Variants in KIRREL3 observed in about 807,000 individuals in gnomAD.
KIRREL3 encodes the protein kirre like nephrin family adhesion molecule 3.
Under a neutral mutation model 89.7 loss-of-function variants are expected in KIRREL3, and 36 were observed. The observed-to-expected ratio is 0.40, with a 90% CI of 0.31 to 0.53. KIRREL3 has a LOEUF of 0.53. Among genes scored for constraint, KIRREL3 ranks in the 20% least tolerant of loss-of-function variants. The pLI is 0.49. For synonymous variants in KIRREL3, 445 were observed against 441.4 expected (o/e 1.01, Z -0.10); for missense variants, 864 against 1,056.6 (o/e 0.82, Z 2.53).
Position 126,876,538 on chromosome 11 carries a change from CTT to C in KIRREL3, c.55+123915_55+123916del, listed in dbSNP as rs34978323. ...CTTACAGTACATACTCATAAATATGCTTTTTTTTTTTTTTTTTGAGATGGAGT... is the reference window on the plus strand; with the variant it reads ...CTTACAGTACATACTCATAAATATGCTTTTTTTTTTTTTTTGAGATGGAGT... On this transcript the variant is annotated intron_variant, in intron 1 of 16. Transcript: ENST00000525144. The surrounding 1 kb of genome is among the most constrained non-coding windows in gnomAD (Gnocchi z 4.1). Among the ~76,000 whole-genome samples, 1,362 of 115,276 alleles carry C rather than the reference CTT, an allele frequency of 0.012. 13 individuals carry two copies. Among genetic ancestry groups the C allele is most frequent in the African/African-American group, 0.027 (837 of 30,938 alleles). The allele number at this position is 115,276 out of a possible 152,430, so 75.6% of individuals were successfully genotyped here. A position where few individuals can be genotyped will look rare whatever the true frequency, so the allele number is the denominator to read the frequency against.
intron 1 of KIRREL3, among the ~76,000 whole-genome samples, chr11:126,674,291 A>G (rs1946088714): frequency 6.6e-6 from 1 of 152,224 alleles, no homozygotes; most frequent in Non-Finnish European, 1.5e-5. Flanking sequence ...TTGAAGGCAT[A>G]CTAGGTGATC....
intron 2 of KIRREL3, chr11:126,549,764 C>G (rs1939110374): frequency 6.6e-6 from 1 of 152,178 alleles, no homozygotes; most frequent in Non-Finnish European, 1.5e-5. Context: ...CACTGGGTCC[C>G]CTCGTCATCA....
At chr11:126,962,552 T>G (rs1308074042) in intron 1 of KIRREL3, among the ~76,000 whole-genome samples, 4 of 152,148 alleles carry the variant, frequency 2.6e-5, no homozygotes, top group East Asian at 1.9e-4. Flanking sequence ...TGAGGTGAAA[T>G]GTACTCTCAG....
At chr11:126,470,453 G>T (rs1298053330) in intron 5 of KIRREL3, among the ~76,000 whole-genome samples, 1 of 152,204 alleles carries the variant, frequency 6.6e-6, no homozygotes, top group Non-Finnish European at 1.5e-5. Context: ...CTGGGTTCTG[G>T]CACCAGGTGC....
chr11:126,497,191 TGA>T (rs1957686027), intron 4 of KIRREL3, among the ~76,000 whole-genome samples: 1 of 62,624 alleles, frequency 1.6e-5, no homozygotes, highest in African/African-American at 6.1e-5. Context: ...TGTGAGAGTG[TGA>T]GTGTGTGTGA....
At position 126,788,335 on chromosome 11, in the gene KIRREL3, C is replaced by A. The variant is rs1371034148; in HGVS notation, c.55+212120G>T. Among the ~76,000 whole-genome samples, 1 of 152,202 alleles carries A rather than the reference C, an allele frequency of 6.6e-6. No individual in the cohort carries two copies. Among genetic ancestry groups the A allele is most frequent in the African/African-American group, 2.4e-5 (1 of 41,456 alleles). ...CTGAGATATGGTTTTTCCCACTGTG[C>A]TACTCAGACAGGGTATGCAAGTTGC... is the stretch of plus-strand genomic sequence containing the variant. On this transcript the variant is annotated intron_variant, in intron 1 of 16. Coordinates refer to ENST00000525144, the MANE Select transcript of KIRREL3 (RefSeq NM_032531.4). This position sits in a 1 kb window ranked among gnomAD's most constrained non-coding sequence, Gnocchi z 4.1.
At chr11:126,434,283 A>C (rs1038097078) in intron 13 of KIRREL3, among the ~76,000 whole-genome samples, 9 of 152,140 alleles carry the variant, frequency 5.9e-5, no homozygotes, top group African/African-American at 1.9e-4. Flanking sequence ...CGAGGGGGGA[A>C]GGTGTTGGGG....
Position 126,555,871 on chromosome 11 carries a change from G to T in KIRREL3, c.133+6964C>A, listed in dbSNP as rs1565547765. Among the ~76,000 whole-genome samples the T allele has an allele frequency of 6.6e-6, 1 of 151,936 alleles. No individual in the cohort carries two copies. Among genetic ancestry groups the T allele is most frequent in the Non-Finnish European group, 1.5e-5 (1 of 68,000 alleles). On this transcript the variant is annotated intron_variant, in intron 2 of 16. Coordinates refer to ENST00000525144, the MANE Select transcript of KIRREL3 (RefSeq NM_032531.4). The surrounding 1 kb of genome is among the most constrained non-coding windows in gnomAD (Gnocchi z 4.2). ...CTCTCCTGCCTCAGCCTCCCAAGTA[G>T]TTGGGATTACAGGTGTGTGCCACCA... is the stretch of plus-strand genomic sequence containing the variant.
At chr11:126,637,920 C>T (rs2134914413) in intron 1 of KIRREL3, among the ~76,000 whole-genome samples, 1 of 152,306 alleles carries the variant, frequency 6.6e-6, no homozygotes, top group African/African-American at 2.4e-5. Flanking sequence ...GAAAACATGC[C>T]AAGAGCACAG....
At position 126,814,911 on chromosome 11, in the gene KIRREL3, C is replaced by A. The variant is rs1192855688; in HGVS notation, c.55+185544G>T. 6.6e-6 allele frequency among the ~76,000 whole-genome samples: 1 copy of A among 152,080 alleles called. No homozygotes were observed. The highest frequency in any genetic ancestry group is 1.5e-5 in the Non-Finnish European group (1 of 68,016). On this transcript the variant is annotated intron_variant, in intron 1 of 16. Transcript: ENST00000525144. This position sits in a 1 kb window ranked among gnomAD's most constrained non-coding sequence, Gnocchi z 4.4. ...ATGTAACAAACCTGCACATCCTGCC[C>A]ATGTACCCCAGAACTTAAAAGTTGA...
rs12226714 is a variant in KIRREL3 at position 126,990,977 on chromosome 11, C to G, written c.55+9478G>C. Among the ~76,000 whole-genome samples the G allele has an allele frequency of 6.6e-6, 1 of 152,202 alleles. No individual in the cohort carries two copies. Among genetic ancestry groups the G allele is most frequent in the Non-Finnish European group, 1.5e-5 (1 of 68,040 alleles). The stretch of plus-strand genomic sequence containing the variant: ...GTGTTACTCTGAAGCTGTCATTGCT[C>G]CCAGCATTGCCAAGGGTGACAGGTG... On this transcript the variant is annotated intron_variant, in intron 1 of 16. Coordinates refer to ENST00000525144, the MANE Select transcript of KIRREL3 (RefSeq NM_032531.4). This position sits in a 1 kb window ranked among gnomAD's most constrained non-coding sequence, Gnocchi z 6.3.
rs376991442 is a variant in KIRREL3 at position 126,456,327 on chromosome 11, C to T, written c.848+22G>A. ...GGTGGGGGCCAGTGGCCAGGCCGGG[C>T]CCCCTCAGCAGTGACTCTCACCTGT... On this transcript the variant is annotated intron_variant, in intron 7 of 16. Coordinates refer to ENST00000525144, the MANE Select transcript of KIRREL3 (RefSeq NM_032531.4). 3.9e-6 allele frequency: 6 copies of T among 1,522,142 alleles called. No homozygotes were observed. In the African/African-American group the frequency reaches 6.9e-5, roughly 17 times the overall value. The allele number at this position is 1,522,142 out of a possible 1,614,324, so 94.3% of individuals were successfully genotyped here. A position where few individuals can be genotyped will look rare whatever the true frequency, so the allele number is the denominator to read the frequency against.
intron 5 of KIRREL3, among the ~76,000 whole-genome samples, chr11:126,472,342 A>G (rs961570883): frequency 6.6e-6 from 1 of 152,208 alleles, no homozygotes; most frequent in Non-Finnish European, 1.5e-5. Flanking sequence ...GTCCAAGATC[A>G]ACGCAGATTT....
rs988902423 is a variant in KIRREL3 at position 126,430,183 on chromosome 11, G to A, written c.1697-895C>T. On this transcript the variant is annotated intron_variant, in intron 14 of 16. Transcript: ENST00000525144. This position sits in a 1 kb window ranked among gnomAD's most constrained non-coding sequence, Gnocchi z 6.6. ...TTGAGGAGCTGGTGCGGTGGCTCAC[G>A]CCTGTAATCCCAGCACATTGGGAGG... Among the ~76,000 whole-genome samples, 1 of 151,690 alleles carries A rather than the reference G, an allele frequency of 6.6e-6. No individual in the cohort carries two copies. Among genetic ancestry groups the A allele is most frequent in the Non-Finnish European group, 1.5e-5 (1 of 67,956 alleles).
intron 1 of KIRREL3, among the ~76,000 whole-genome samples, chr11:126,871,456 C>T (rs1033364859): frequency 1.3e-5 from 2 of 152,166 alleles, no homozygotes; most frequent in African/African-American, 4.8e-5. Context: ...AACTCTTCCA[C>T]ACTTCACAGA....
intron 1 of KIRREL3, among the ~76,000 whole-genome samples, chr11:126,631,915 T>C (rs566194029): frequency 1.3e-5 from 2 of 152,320 alleles, no homozygotes; most frequent in African/African-American, 4.8e-5. Context: ...CTTTTCTCAT[T>C]GTTACTTTCT....
At position 126,484,917 on chromosome 11, in the gene KIRREL3, G is replaced by A. The variant is rs1957312357; in HGVS notation, c.434-11451C>T. Among the ~76,000 whole-genome samples, 1 of 151,772 alleles carries A rather than the reference G, an allele frequency of 6.6e-6. No individual in the cohort carries two copies. Among genetic ancestry groups the A allele is most frequent in the African/African-American group, 2.4e-5 (1 of 41,268 alleles). ...TGCAGCCTCCGCCTCCCAGGTTCAA[G>A]CGATTCTCCTGCCTCAGCCTTTTAA... On this transcript the variant is annotated intron_variant, in intron 4 of 16. Transcript: ENST00000525144. The surrounding 1 kb of genome is among the most constrained non-coding windows in gnomAD (Gnocchi z 5.2).
chr11:126,768,505 A>T lies in KIRREL3; in HGVS notation c.56-205593T>A, dbSNP rs1389498791. 1.3e-5 allele frequency among the ~76,000 whole-genome samples: 2 copies of T among 152,222 alleles called. No individual in the cohort carries two copies. The highest frequency in any genetic ancestry group is 4.8e-5 in the African/African-American group (2 of 41,446). On this transcript the variant is annotated intron_variant, in intron 1 of 16. Transcript: ENST00000525144. The surrounding 1 kb of genome is among the most constrained non-coding windows in gnomAD (Gnocchi z 4.5). ...AAGAGACAGACAATAAAAAGACTAG[A>T]CATACACAAGACAGATTCCAACAGT...
rs183901308 is a variant in KIRREL3 at position 126,931,251 on chromosome 11, A to T, written c.55+69204T>A. Among the ~76,000 whole-genome samples, 1 of 152,340 alleles carries T rather than the reference A, an allele frequency of 6.6e-6. No homozygotes were observed. Among genetic ancestry groups the T allele is most frequent in the Admixed American group, 6.5e-5 (1 of 15,314 alleles). On this transcript the variant is annotated intron_variant, in intron 1 of 16. Coordinates refer to ENST00000525144, the MANE Select transcript of KIRREL3 (RefSeq NM_032531.4). This position sits in a 1 kb window ranked among gnomAD's most constrained non-coding sequence, Gnocchi z 5.1. ...GACACTGTTGTTATCTCCAGAACCT[A>T]TCGCAGTGTCTGGCACATAGGATGT...
Sources: allele counts gnomAD v4.1 joint callset (sites outside exome capture counted in the v4.1 genomes callset), GRCh38; gene constraint gnomAD v4.1.1; non-coding constraint Gnocchi (gnomAD v3.1); transcripts MANE v1.5; gene names NCBI Gene and HGNC (gene_info 2026-07-23, HGNC 2026-07-21).